The following FASTKD5 variants were observed in gnomAD, a reference collection of about 807,000 sequenced individuals.
FASTKD5 encodes non-canonical pre-mRNAs endonuclease FASTKD5, mitochondrial.
In FASTKD5, 30 loss-of-function variants were observed where a neutral mutation model predicts 44.0. That is an observed-to-expected ratio of 0.68 (90% CI 0.51 to 0.93). The LOEUF (loss-of-function observed/expected upper bound fraction) is 0.93. Ranked by LOEUF, FASTKD5 falls within the 40% of genes least tolerant of loss-of-function variation. The pLI, the probability that FASTKD5 is intolerant of heterozygous loss-of-function variation, is 0.00. For synonymous variants in FASTKD5, 335 were observed against 342.2 expected, an observed-to-expected ratio of 0.98 and a Z score of 0.23; for missense variants, 868 against 908.2, an observed-to-expected ratio of 0.96 and a Z score of 0.57.
chr20:3,149,523 A>G lies in FASTKD5; in HGVS notation c.-190-263T>C, dbSNP rs1322923012. The stretch of plus-strand genomic sequence containing the variant: ...ACTTCCTTCACTGTACAAGGCAAGC[A>G]GTGACGGCTAAAGAAGAGACGGTGC... On this transcript the variant is annotated intron_variant, in intron 1 of 1. Coordinates refer to ENST00000380266, the MANE Select transcript of FASTKD5 (RefSeq NM_021826.5). This position sits in a 1 kb window ranked among gnomAD's most constrained non-coding sequence, Gnocchi z 4.1. Among the ~76,000 whole-genome samples the G allele has an allele frequency of 6.6e-6, 1 of 152,204 alleles. No homozygotes were observed. The highest frequency in any genetic ancestry group is 1.5e-5 in the Non-Finnish European group (1 of 68,036).
intron 1 of FASTKD5, among the ~76,000 whole-genome samples, chr20:3,150,263 G>C (rs1204974428): frequency 2.0e-5 from 3 of 152,148 alleles, no homozygotes; most frequent in Non-Finnish European, 4.4e-5. Context: ...GGAGAAAGCA[G>C]AAGGTTGAGG....
chr20:3,154,378 C>A (rs1410441882), intron 1 of FASTKD5, among the ~76,000 whole-genome samples: 3 of 152,154 alleles, frequency 2.0e-5, no homozygotes, highest in Middle Eastern at 3.2e-3. Context: ...AAAAGTTATA[C>A]AAGATAGAAT....
chr20:3,146,889 G>A lies in FASTKD5; in HGVS notation c.2182C>T (p.Leu728Phe), dbSNP rs749852810. ...GATAACTCTACCACACGGTAGCCAAGCCGAGCCAGCTGCCGCCTCTTCATA... is the reference window on the plus strand; with the variant it reads ...GATAACTCTACCACACGGTAGCCAAACCGAGCCAGCTGCCGCCTCTTCATA... Reference protein sequence around the residue: ...HNMKRRQLARLGYRVVELSYW... With the variant: ...HNMKRRQLARFGYRVVELSYW... Residue 728 changes from leucine (L) to phenylalanine (F), a missense_variant, in exon 2 of 2, where the codon CTT becomes TTT. Physicochemically the swap from Leu to Phe is conservative, Grantham distance 22. Transcript: ENST00000380266. 6.2e-7 allele frequency: 1 copy of A among 1,614,190 alleles called. No homozygotes were observed. Among genetic ancestry groups the A allele is most frequent in the East Asian group, 2.2e-5 (1 of 44,884 alleles).
chr20:3,158,696 G>A (rs1166082885), intron 1 of FASTKD5, among the ~76,000 whole-genome samples: 1 of 151,846 alleles, frequency 6.6e-6, no homozygotes, highest in Non-Finnish European at 1.5e-5. Context: ...AGATGGTCTC[G>A]ATCTCCTGAC....
In FASTKD5 at chr20:3,148,097, A is replaced by C; in HGVS notation, c.974T>G (p.Phe325Cys). The C allele has an allele frequency of 6.2e-7, 1 of 1,614,122 alleles. No individual in the cohort carries two copies. Among genetic ancestry groups the C allele is most frequent in the East Asian group, 2.2e-5 (1 of 44,884 alleles). Residue 325 changes from phenylalanine to cysteine, a missense_variant, in exon 2 of 2, where the codon TTC becomes TGC. Phe to Cys is a radical substitution (Grantham distance 205, BLOSUM62 -2). Transcript: ENST00000380266. Reference sequence around the variant, plus strand: ...AGAGAGATTAGTACTTGATTTAAAGAACCCCAAACAGATGGTACCAACCTC... The same window carrying C: ...AGAGAGATTAGTACTTGATTTAAAGCACCCCAAACAGATGGTACCAACCTC... ...LEEVGTICLG[F>C]FKSSTNLSEF...
At chr20:3,158,567 G>T (rs1032428950) in intron 1 of FASTKD5, among the ~76,000 whole-genome samples, 3 of 151,956 alleles carry the variant, frequency 2.0e-5, no homozygotes, top group Admixed American at 1.3e-4. Context: ...TCCGCCTCCC[G>T]GGGTTCACGC....
rs17850190 is a variant in FASTKD5, at chr20:3,147,613, T to C, written c.1458A>G (p.Pro486=). 1.9e-6 allele frequency: 3 copies of C among 1,614,082 alleles called. No homozygotes were observed. The highest frequency in any genetic ancestry group is 1.7e-5 in the Admixed American group (1 of 60,008). Residue 486 remains proline (P), a synonymous_variant, in exon 2 of 2, where the codon CCA becomes CCG. Transcript: ENST00000380266. ...LLGLAFLEYF[P]VELIDFALSP... ...TGAGAGCGAAATCAATTAACTCTAC[T>C]GGAAAGTACTCCAAAAATGCCAGGC...
intron 1 of FASTKD5, chr20:3,151,828 G>A (rs1293082031): frequency 2.0e-5 from 3 of 152,048 alleles, no homozygotes; most frequent in East Asian, 1.9e-4. Flanking sequence ...AGGATGGCCA[G>A]GCGTGGTGGC....
Position 3,149,043 on chromosome 20 carries a change from G to A in FASTKD5, c.28C>T (p.Leu10Phe). MAATLKSLK[L>F]VRYRAFCSPS... ...CTGCAAAATGCTCGGTATCTTACAA[G>A]TTTTAATGACTTGAGAGTAGCTGCC... The change falls in exon 2 of 2, where the codon CTT (leucine) becomes TTT (phenylalanine). Residue 10 changes from leucine to phenylalanine, a missense_variant. Transcript: ENST00000380266. This position sits in a 1 kb window ranked among gnomAD's most constrained non-coding sequence, Gnocchi z 4.1. 1 of 1,613,182 alleles carries A rather than the reference G, an allele frequency of 6.2e-7. No homozygotes were observed. Among genetic ancestry groups the A allele is most frequent in the Non-Finnish European group, 8.5e-7 (1 of 1,179,466 alleles).
chr20:3,157,728 T>C (rs1361708229), intron 1 of FASTKD5, among the ~76,000 whole-genome samples: 1 of 152,118 alleles, frequency 6.6e-6, no homozygotes, highest in Non-Finnish European at 1.5e-5. Context: ...TAAAGAGAAG[T>C]AGCTGCATGC....
At chr20:3,153,571 G>C (rs2066653675) in intron 1 of FASTKD5, among the ~76,000 whole-genome samples, 1 of 152,214 alleles carries the variant, frequency 6.6e-6, no homozygotes, top group South Asian at 2.1e-4. Flanking sequence ...GTACTAGAGA[G>C]ACAAGAATGG....
In FASTKD5 at chr20:3,146,625, T is replaced by C; in HGVS notation, c.*151A>G. ...AACTACATTACAATTCACAGTAACA[T>C]ACACTAGCTCTAACCTGCCTTGGAT... On this transcript the variant is annotated 3_prime_UTR_variant, in exon 2 of 2. Transcript: ENST00000380266. 1 of 822,504 alleles carries C rather than the reference T, an allele frequency of 1.2e-6. No homozygotes were observed. The highest frequency in any genetic ancestry group is 1.9e-6 in the Non-Finnish European group (1 of 513,162). The allele number at this position is 822,504 out of a possible 1,614,324, so 51.0% of individuals were successfully genotyped here. A position where few individuals can be genotyped will look rare whatever the true frequency, so the allele number is the denominator to read the frequency against.
chr20:3,157,948 G>C (rs1050302264), intron 1 of FASTKD5, among the ~76,000 whole-genome samples: 2 of 150,178 alleles, frequency 1.3e-5, no homozygotes, highest in African/African-American at 5.0e-5. Flanking sequence ...CAGTCTGGAG[G>C]GCAGTGGTGC....
chr20:3,155,159 T>G (rs2066671696), intron 1 of FASTKD5, among the ~76,000 whole-genome samples: 1 of 151,830 alleles, frequency 6.6e-6, no homozygotes, highest in Non-Finnish European at 1.5e-5. Flanking sequence ...TTTGGGAAGC[T>G]GAGGTGGGCG....
Position 3,148,930 on chromosome 20 carries a change from A to C in FASTKD5, c.141T>G (p.Ile47Met), listed in dbSNP as rs2066597035. ...CTTTTTTGGCAGAATGGCAGAGGCT[A>C]ATGTGTTCTGGAGGGTCCTGTCCCC... Reference protein sequence around the residue: ...QHGGQDPPEHISLCHSAKKVK... With the variant: ...QHGGQDPPEHMSLCHSAKKVK... Residue 47 changes from isoleucine to methionine, a missense_variant, in exon 2 of 2, where the codon ATT becomes ATG. Transcript: ENST00000380266. 1 of 1,614,170 alleles carries C rather than the reference A, an allele frequency of 6.2e-7. No individual in the cohort carries two copies. Among genetic ancestry groups the C allele is most frequent in the Non-Finnish European group, 8.5e-7 (1 of 1,180,030 alleles).
rs374979965 is a variant in FASTKD5, at chr20:3,147,671, T to C, written c.1400A>G (p.Gln467Arg). Reference sequence around the variant, plus strand: ...GCAGGTGGGCAGGTGTTCTGGGTACTGGTTGAATTCAGGCATCTTTCTGTG... The same window carrying C: ...GCAGGTGGGCAGGTGTTCTGGGTACCGGTTGAATTCAGGCATCTTTCTGTG... ...EIHRKMPEFN[Q>R]YPEHLPTCLL... Residue 467 changes from glutamine (Q) to arginine (R), a missense_variant, in exon 2 of 2, where the codon CAG (glutamine) becomes CGG (arginine). Physicochemically the swap from Gln to Arg is conservative, Grantham distance 43 (BLOSUM62 1). Coordinates refer to ENST00000380266, the MANE Select transcript of FASTKD5 (RefSeq NM_021826.5). 7.9e-5 allele frequency: 128 copies of C among 1,614,124 alleles called. No homozygotes were observed. The highest frequency in any genetic ancestry group is 8.6e-5 in the Non-Finnish European group (102 of 1,180,042).
chr20:3,158,918 C>A, intron 1 of FASTKD5, among the ~76,000 whole-genome samples: 1 of 152,286 alleles, frequency 6.6e-6, no homozygotes, highest in South Asian at 2.1e-4. Context: ...AATTCAGATT[C>A]CAGCAGCAAC....
At chr20:3,152,407 C>T (rs1205028605) in intron 1 of FASTKD5, among the ~76,000 whole-genome samples, 4 of 151,836 alleles carry the variant, frequency 2.6e-5, no homozygotes, top group Non-Finnish European at 4.4e-5. Flanking sequence ...GAGGCTGAGG[C>T]GGGAGAATCA....
chr20:3,147,208 C>T lies in FASTKD5; in HGVS notation c.1863G>A (p.Val621=), dbSNP rs1365031940. The T allele has an allele frequency of 6.2e-7, 1 of 1,614,046 alleles. No homozygotes were observed. Among genetic ancestry groups the T allele is most frequent in the Non-Finnish European group, 8.5e-7 (1 of 1,180,060 alleles). ...ENVAKLRLEH[V]GVSLTDDLMN... ...TCAAATCATCTGTAAGGCTGACTCCCACATGCTCAAGCCTTAATTTGGCTA... is the reference window on the plus strand; with the variant it reads ...TCAAATCATCTGTAAGGCTGACTCCTACATGCTCAAGCCTTAATTTGGCTA... Residue 621 remains valine (V), a synonymous_variant, in exon 2 of 2, where the codon GTG becomes GTA. Coordinates refer to ENST00000380266, the MANE Select transcript of FASTKD5 (RefSeq NM_021826.5).
Sources: gnomAD v4.1 joint callset for allele counts (sites outside exome capture counted in the v4.1 genomes callset) on GRCh38, gnomAD v4.1.1 for gene constraint, Gnocchi (gnomAD v3.1) non-coding constraint, MANE v1.5 for transcripts, NCBI Gene and HGNC (gene_info 2026-07-23, HGNC 2026-07-21) for gene names.